TENM2: variants seen among roughly 807,000 people sequenced by gnomAD.
The protein encoded by TENM2 is teneurin transmembrane protein 2, also known as teneurin-2.
Under a neutral mutation model 245.2 loss-of-function variants are expected in TENM2, and 52 were observed. The observed-to-expected ratio is 0.21, with a 90% CI of 0.17 to 0.27. The LOEUF is 0.27. Ranked by LOEUF, TENM2 falls within the 10% of genes least tolerant of loss-of-function variation. The pLI is 1.00. For synonymous variants in TENM2, 1,363 were observed against 1,438.9 expected, an observed-to-expected ratio of 0.95 and a Z score of 1.19; for missense variants, 3,046 against 3,666.8, an observed-to-expected ratio of 0.83 and a Z score of 4.37.
At chr5:168,093,502 T>G (rs1488439299) in intron 8 of TENM2, among the ~76,000 whole-genome samples, 1 of 152,124 alleles carries the variant, frequency 6.6e-6, no homozygotes, top group East Asian at 1.9e-4. Context: ...CAGCCAGGAG[T>G]GCTGTAAACC....
intron 5 of TENM2, among the ~76,000 whole-genome samples, chr5:168,024,375 A>T (rs748735222): frequency 3.9e-5 from 6 of 152,200 alleles, no homozygotes; most frequent in Non-Finnish European, 7.3e-5. Context: ...GCCAGCCATG[A>T]AATTTAATTT....
chr5:167,086,420 G>C, the TENM2 span, among the ~76,000 whole-genome samples: 1 of 152,054 alleles, frequency 6.6e-6, no homozygotes, highest in Non-Finnish European at 1.5e-5. Context: ...CTTCCTCATG[G>C]CCCCGAGGTC....
intron 1 of TENM2, chr5:167,306,294 G>A (rs2127744767): frequency 6.6e-6 from 1 of 152,336 alleles, no homozygotes; most frequent in Admixed American, 6.5e-5. Flanking sequence ...GCAGAGCAGT[G>A]GGTCCGGCAC....
At chr5:167,193,216 G>A in the TENM2 span, among the ~76,000 whole-genome samples, 1 of 152,022 alleles carries the variant, frequency 6.6e-6, no homozygotes, top group Admixed American at 6.6e-5. Context: ...GTACACCGCA[G>A]TTGTAGTCAG....
chr5:167,226,642 G>A, the TENM2 span, among the ~76,000 whole-genome samples: 1 of 152,018 alleles, frequency 6.6e-6, no homozygotes, highest in Non-Finnish European at 1.5e-5. Flanking sequence ...CTGATGAGAA[G>A]ATGTATATTT....
chr5:167,435,965 C>CTTTTTTT (rs1284748347), intron 2 of TENM2, among the ~76,000 whole-genome samples: 10 of 125,960 alleles, frequency 7.9e-5, no homozygotes, highest in South Asian at 2.5e-4. Context: ...ATTTCTTTTT[C>CTTTTTTT]TTTTTTTTTC....
At chr5:167,700,431 A>G (rs923747583) in intron 2 of TENM2, among the ~76,000 whole-genome samples, 2 of 152,172 alleles carry the variant, frequency 1.3e-5, no homozygotes, top group African/African-American at 4.8e-5. Flanking sequence ...GCAGAACTCC[A>G]AGGGGCACCA....
chr5:167,520,098 A>G (rs970507532), intron 2 of TENM2, among the ~76,000 whole-genome samples: 5 of 152,208 alleles, frequency 3.3e-5, no homozygotes, highest in African/African-American at 1.2e-4. Context: ...ATTAGAGTTA[A>G]TCATACCAGA....
Position 168,236,969 on chromosome 5 carries a change from TATATATATATATATATATATATATA to T in TENM2, c.5521-7450_5521-7426del, listed in dbSNP as rs1562318836. Among the ~76,000 whole-genome samples the T allele has an allele frequency of 3.9e-3, 28 of 7,162 alleles. 3 individuals are homozygous for T. Among genetic ancestry groups the T allele is most frequent in the Admixed American group, 8.7e-3 (4 of 458 alleles). The allele number at this position is 7,162 out of a possible 152,430, so 4.7% of individuals were successfully genotyped here. On this transcript the variant is annotated intron_variant, in intron 25 of 28. Coordinates refer to ENST00000518659, the Ensembl canonical transcript of TENM2. ...ATATATATATATATATATATATATA[TATATATATATATATATATATATATA>T]TATATATTTTTTTTTTTTTTTTTTT...
At chr5:167,666,995 A>G (rs962623117) in intron 2 of TENM2, among the ~76,000 whole-genome samples, 3 of 152,202 alleles carry the variant, frequency 2.0e-5, no homozygotes, top group African/African-American at 7.2e-5. Context: ...GGCAAACTTT[A>G]TGAGTTACCT....
At chr5:167,468,730 C>CA (rs1442089711) in intron 2 of TENM2, among the ~76,000 whole-genome samples, 2 of 152,178 alleles carry the variant, frequency 1.3e-5, no homozygotes, top group African/African-American at 4.8e-5. Flanking sequence ...CTCTCTTAGA[C>CA]AATTTATAAG....
intron 2 of TENM2, among the ~76,000 whole-genome samples, chr5:167,729,823 T>C (rs963437755): frequency 1.3e-5 from 2 of 152,208 alleles, no homozygotes; most frequent in Non-Finnish European, 2.9e-5. Context: ...GTGAAGGTCA[T>C]TTTCTAGCTG....
intron 27 of TENM2, among the ~76,000 whole-genome samples, chr5:168,256,489 A>T (rs1004508009): frequency 1.3e-5 from 2 of 150,180 alleles, no homozygotes; most frequent in African/African-American, 4.9e-5. Context: ...GCAATGGCAC[A>T]ATCTCAGCTC....
chr5:167,478,486 C>T (rs1340077746), intron 2 of TENM2, among the ~76,000 whole-genome samples: 1 of 152,152 alleles, frequency 6.6e-6, no homozygotes, highest in Non-Finnish European at 1.5e-5. Context: ...GTAGCTTGTG[C>T]ATTGTTTGCC....
intron 4 of TENM2, among the ~76,000 whole-genome samples, chr5:167,970,995 A>G (rs1781734938): frequency 6.6e-6 from 1 of 152,116 alleles, no homozygotes. Flanking sequence ...TTTCACTACT[A>G]TTTGCTTTGT....
At chr5:167,647,309 T>G (rs1459166978) in intron 2 of TENM2, among the ~76,000 whole-genome samples, 1 of 152,052 alleles carries the variant, frequency 6.6e-6, no homozygotes, top group Non-Finnish European at 1.5e-5. Context: ...ATGACTCCAC[T>G]GACAAAGCAG....
chr5:167,604,607 T>C (rs1381258664), intron 2 of TENM2, among the ~76,000 whole-genome samples: 1 of 152,216 alleles, frequency 6.6e-6, no homozygotes, highest in Non-Finnish European at 1.5e-5. Context: ...AATTCCCTAC[T>C]ATTTTCTCTG....
At chr5:167,010,179 C>T in the TENM2 span, among the ~76,000 whole-genome samples, 36 of 152,032 alleles carry the variant, frequency 2.4e-4, no homozygotes, top group Admixed American at 4.6e-4. Context: ...GTCAGGAGTT[C>T]GAGACCAGAC....
At chr5:167,136,965 G>T in the TENM2 span, among the ~76,000 whole-genome samples, 2 of 152,216 alleles carry the variant, frequency 1.3e-5, no homozygotes, top group Middle Eastern at 3.2e-3. Flanking sequence ...AGTTCTAGAG[G>T]CTGGGAAGTC....
Sources: gnomAD v4.1 joint callset for allele counts (sites outside exome capture counted in the v4.1 genomes callset) on GRCh38, gnomAD v4.1.1 for gene constraint, MANE v1.5 for transcripts, NCBI Gene and HGNC (gene_info 2026-07-23, HGNC 2026-07-21) for gene names.